DAB1: variants seen among roughly 807,000 people sequenced by gnomAD.
DAB1 encodes disabled homolog 1.
DAB1 carries 15 observed loss-of-function variants against 64.6 expected under a neutral mutation model. The observed-to-expected ratio is 0.23, with a 90% CI of 0.16 to 0.36. DAB1 has a LOEUF of 0.36. DAB1 is among the 10% of genes least tolerant of loss of function. The pLI is 1.00. For missense variants in DAB1, 596 were observed against 706.7 expected (o/e 0.84, Z 1.78); for synonymous variants, 235 against 251.9 (o/e 0.93, Z 0.64).
chr1:58,455,025 T>A (rs948530719), intron 3 of DAB1, among the ~76,000 whole-genome samples: 4 of 152,214 alleles, frequency 2.6e-5, no homozygotes, highest in Non-Finnish European at 2.9e-5. Context: ...AAAGAGAATG[T>A]CTTTTCCATC....
At chr1:57,542,673 G>A (rs1352288469) in intron 7 of DAB1, among the ~76,000 whole-genome samples, 1 of 152,016 alleles carries the variant, frequency 6.6e-6, no homozygotes, top group African/African-American at 2.4e-5. Context: ...AGCTAAGGAT[G>A]CTCAGTTTTT....
At chr1:57,463,892 C>T (rs531398269) in intron 7 of DAB1, among the ~76,000 whole-genome samples, 2 of 152,172 alleles carry the variant, frequency 1.3e-5, no homozygotes, top group South Asian at 4.2e-4. Flanking sequence ...AATTTGAAGT[C>T]GTACACAAAC....
chr1:57,404,569 T>C (rs913341902), intron 1 of DAB1, among the ~76,000 whole-genome samples: 4 of 152,152 alleles, frequency 2.6e-5, no homozygotes, highest in Admixed American at 6.6e-5. Context: ...GGTAGAAGTA[T>C]AAATGACTTT....
chr1:58,043,493 C>CT (rs1475510634), intron 5 of DAB1, among the ~76,000 whole-genome samples: 2 of 152,110 alleles, frequency 1.3e-5, no homozygotes, highest in African/African-American at 4.8e-5. Context: ...GCTTGTAGTG[C>CT]TTTTTCAATC....
intron 5 of DAB1, among the ~76,000 whole-genome samples, chr1:58,106,993 A>G (rs1269916955): frequency 1.3e-5 from 2 of 151,284 alleles, no homozygotes; most frequent in Non-Finnish European, 2.9e-5. Context: ...TTGAGCATCT[A>G]CATCTACTAT....
intron 8 of DAB1, among the ~76,000 whole-genome samples, chr1:57,065,157 A>T (rs1490081149): frequency 6.6e-6 from 1 of 152,142 alleles, no homozygotes; most frequent in Non-Finnish European, 1.5e-5. Flanking sequence ...CATGGGTGAG[A>T]TATCAATCTG....
chr1:57,560,207 G>T (rs1411043605), intron 7 of DAB1, among the ~76,000 whole-genome samples: 1 of 152,216 alleles, frequency 6.6e-6, no homozygotes, highest in Non-Finnish European at 1.5e-5. Context: ...AACCTCAGTG[G>T]TATATCAGTT....
chr1:57,579,290 C>T (rs1645285539), intron 7 of DAB1, among the ~76,000 whole-genome samples: 1 of 152,068 alleles, frequency 6.6e-6, no homozygotes, highest in Non-Finnish European at 1.5e-5. Flanking sequence ...TGTTGGTTTC[C>T]TTGTTCTGTG....
chr1:58,065,815 G>A (rs1648822708), intron 5 of DAB1, among the ~76,000 whole-genome samples: 1 of 152,210 alleles, frequency 6.6e-6, no homozygotes, highest in Non-Finnish European at 1.5e-5. Flanking sequence ...GGCCAACCCT[G>A]AGGGAGTCCT....
At chr1:58,319,676 T>C (rs1408098131) in intron 4 of DAB1, among the ~76,000 whole-genome samples, 2 of 152,224 alleles carry the variant, frequency 1.3e-5, no homozygotes, top group Non-Finnish European at 2.9e-5. Context: ...GGAATCAAAA[T>C]TGATTTGCCC....
chr1:57,327,168 T>C (rs1676234618), intron 1 of DAB1, among the ~76,000 whole-genome samples: 1 of 152,100 alleles, frequency 6.6e-6, no homozygotes, highest in Admixed American at 6.6e-5. Context: ...CTTGTACTCC[T>C]GGCCTCACGT....
intron 5 of DAB1, among the ~76,000 whole-genome samples, chr1:57,937,865 T>C (rs1486677356): frequency 6.6e-6 from 1 of 152,198 alleles, no homozygotes; most frequent in African/African-American, 2.4e-5. Context: ...CTCTGTTCCC[T>C]TCTGTTTCAG....
chr1:57,023,445 A>G (rs1357135135), intron 11 of DAB1, 86 bp downstream of exon 11: 1 of 773,878 alleles, frequency 1.3e-6, no homozygotes, highest in African/African-American at 1.7e-5. Context: ...GTGTTTTATC[A>G]TCATTCGGTG....
intron 4 of DAB1, among the ~76,000 whole-genome samples, chr1:58,328,463 C>A (rs1662891279): frequency 6.6e-6 from 1 of 152,198 alleles, no homozygotes; most frequent in Admixed American, 6.5e-5. Flanking sequence ...CATGGCTGCA[C>A]TGCAGGCGAT....
intron 7 of DAB1, among the ~76,000 whole-genome samples, chr1:57,618,380 A>C (rs1310710129): frequency 5.5e-5 from 8 of 144,214 alleles, no homozygotes; most frequent in African/African-American, 1.8e-4. Context: ...ATGCCACTGC[A>C]CTCCAGCCTG....
intron 1 of DAB1, among the ~76,000 whole-genome samples, chr1:57,377,817 G>T (rs1149632): frequency 1 from 152,123 of 152,190 alleles, 76,028 homozygotes; most frequent in Middle Eastern, 1. Context: ...GGTGTAGTAT[G>T]GCAGGGCTAG....
At chr1:57,334,634 C>T (rs995557306) in intron 1 of DAB1, among the ~76,000 whole-genome samples, 5 of 152,126 alleles carry the variant, frequency 3.3e-5, no homozygotes, top group Non-Finnish European at 5.9e-5. Flanking sequence ...AGAATAATGT[C>T]GATGACATAA....
intron 2 of DAB1, among the ~76,000 whole-genome samples, chr1:57,164,801 C>T (rs1661076928): frequency 2.0e-5 from 3 of 152,034 alleles, no homozygotes; most frequent in Non-Finnish European, 4.4e-5. Context: ...TTACTCATTC[C>T]CTTCCTTGGG....
At chr1:57,286,423 A>G (rs1054677219) in intron 2 of DAB1, among the ~76,000 whole-genome samples, 1 of 152,216 alleles carries the variant, frequency 6.6e-6, no homozygotes, top group Admixed American at 6.5e-5. Context: ...ACTAATGTCA[A>G]ATAACAAAAT....
Sources: gnomAD v4.1 joint callset for allele counts (sites outside exome capture counted in the v4.1 genomes callset) on GRCh38, gnomAD v4.1.1 for gene constraint, MANE v1.5 for transcripts, NCBI Gene and HGNC (gene_info 2026-07-23, HGNC 2026-07-21) for gene names.